The following STOX1 variants were observed in gnomAD, a reference collection of about 807,000 sequenced individuals.
STOX1 encodes storkhead box 1, also known as storkhead-box protein 1.
STOX1 carries 57 observed loss-of-function variants against 74.8 expected under a neutral mutation model. That is an observed-to-expected ratio of 0.76 (90% CI 0.62 to 0.95). The LOEUF is 0.95. Ranked by LOEUF, STOX1 falls within the 40% of genes least tolerant of loss-of-function variation. The probability of loss-of-function intolerance (pLI) is 0.00; values close to 1 mark genes in which losing one functional copy is unlikely to be tolerated. For synonymous variants in STOX1, 375 were observed against 401.3 expected (o/e 0.93, Z 0.78); for missense variants, 1,010 against 1,117.0 (o/e 0.90, Z 1.37).
At chr10:68,877,043 G>A (rs1004049416) in intron 1 of STOX1, among the ~76,000 whole-genome samples, 14 of 152,138 alleles carry the variant, frequency 9.2e-5, no homozygotes, top group Non-Finnish European at 1.9e-4. Flanking sequence ...AAGGAAACTC[G>A]ATGATTTGTG....
At chr10:68,882,145 C>T (rs751210456) in intron 2 of STOX1, 35 bp downstream of exon 2, 3 of 1,595,058 alleles carry the variant, frequency 1.9e-6, no homozygotes. Flanking sequence ...TTGTACTTCA[C>T]TGTATGTGTT....
intron 3 of STOX1, among the ~76,000 whole-genome samples, chr10:68,892,010 A>T (rs1235222360): frequency 6.6e-6 from 1 of 151,726 alleles, no homozygotes; most frequent in Non-Finnish European, 1.5e-5. Flanking sequence ...TAGTAGAGAC[A>T]GGGTTTCACC....
chr10:68,889,656 T>C (rs1375022690), intron 3 of STOX1, among the ~76,000 whole-genome samples: 1 of 152,156 alleles, frequency 6.6e-6, no homozygotes, highest in African/African-American at 2.4e-5. Context: ...CTCTGCTTCC[T>C]GGGTTCAAGC....
intron 1 of STOX1, among the ~76,000 whole-genome samples, chr10:68,868,993 G>A (rs879104315): frequency 6.6e-6 from 1 of 152,212 alleles, no homozygotes; most frequent in Admixed American, 6.5e-5. Context: ...AGTAGAGAAT[G>A]TGAGCCCAGG....
At position 68,886,349 on chromosome 10, in the gene STOX1, T is replaced by C. The variant is rs551551807; in HGVS notation, c.2553T>C (p.Asp851=). The C allele has an allele frequency of 6.2e-7, 1 of 1,614,162 alleles. No individual in the cohort carries two copies. The highest frequency in any genetic ancestry group is 1.3e-5 in the African/African-American group (1 of 75,030). The part of the protein sequence containing the change: ...AKCVQASAPA[D]ERIFDYYSAR... Reference sequence around the variant, plus strand: ...GTGTACAGGCCTCAGCACCTGCTGATGAAAGAATCTTTGATTACTATAGCG... The same window carrying C: ...GTGTACAGGCCTCAGCACCTGCTGACGAAAGAATCTTTGATTACTATAGCG... The change falls in exon 3 of 4, where the codon GAT becomes GAC. Residue 851 remains aspartate (D), a synonymous_variant. Transcript: ENST00000298596.
chr10:68,836,823 T>A (rs1839567730), intron 1 of STOX1, among the ~76,000 whole-genome samples: 1 of 152,220 alleles, frequency 6.6e-6, no homozygotes, highest in Non-Finnish European at 1.5e-5. Flanking sequence ...GTCATCTGTG[T>A]CAGGAGGCCT....
chr10:68,857,965 A>G (rs1263663405), intron 1 of STOX1, among the ~76,000 whole-genome samples: 1 of 152,086 alleles, frequency 6.6e-6, no homozygotes, highest in Non-Finnish European at 1.5e-5. Context: ...CTAAAAAGGA[A>G]GAAGGGGCTA....
At chr10:68,844,617 T>C (rs1839787405) in intron 1 of STOX1, among the ~76,000 whole-genome samples, 2 of 152,078 alleles carry the variant, frequency 1.3e-5, no homozygotes, top group Admixed American at 1.3e-4. Context: ...CTTTAATAAG[T>C]GTCTGTCGAA....
intron 1 of STOX1, among the ~76,000 whole-genome samples, chr10:68,832,950 A>G (rs914067495): frequency 7.9e-5 from 12 of 152,026 alleles, no homozygotes; most frequent in African/African-American, 2.7e-4. Flanking sequence ...AATTTTCAGT[A>G]GAGGCAGGTC....
intron 3 of STOX1, among the ~76,000 whole-genome samples, chr10:68,891,373 C>T (rs1841092207): frequency 1.3e-5 from 2 of 152,054 alleles, no homozygotes; most frequent in South Asian, 4.1e-4. Flanking sequence ...AAGCATGAGA[C>T]TTTAACAGTC....
At chr10:68,853,358 G>C (rs1461720939) in intron 1 of STOX1, among the ~76,000 whole-genome samples, 1 of 152,178 alleles carries the variant, frequency 6.6e-6, no homozygotes, top group Non-Finnish European at 1.5e-5. Context: ...TGTGGTCTTA[G>C]CTCACCCTCC....
chr10:68,854,215 G>A (rs1218472863), intron 1 of STOX1, among the ~76,000 whole-genome samples: 3 of 151,336 alleles, frequency 2.0e-5, no homozygotes, highest in Admixed American at 6.6e-5. Context: ...GGCTGATCTC[G>A]AACTCCTGAC....
intron 1 of STOX1, among the ~76,000 whole-genome samples, chr10:68,832,674 A>G (rs28641528): frequency 2.0e-5 from 3 of 149,176 alleles, no homozygotes; most frequent in African/African-American, 2.5e-5. Context: ...AAAAAAAAAA[A>G]AAAGAAAGCA....
At chr10:68,832,942 T>A (rs988301486) in intron 1 of STOX1, among the ~76,000 whole-genome samples, 2 of 151,836 alleles carry the variant, frequency 1.3e-5, no homozygotes, top group South Asian at 2.1e-4. Context: ...TAAAAAAAAA[T>A]TTTCAGTAGA....
At chr10:68,879,388 GTCT>G (rs1203222429) in intron 1 of STOX1, among the ~76,000 whole-genome samples, 2 of 151,586 alleles carry the variant, frequency 1.3e-5, no homozygotes, top group Non-Finnish European at 2.9e-5. Flanking sequence ...TATATTTGTG[GTCT>G]TCTGCCACCC....
intron 1 of STOX1, among the ~76,000 whole-genome samples, chr10:68,863,082 T>TA (rs771367976): frequency 2.0e-5 from 3 of 152,070 alleles, no homozygotes; most frequent in Non-Finnish European, 4.4e-5. Context: ...GTTCAAATCC[T>TA]AAAGAAATAT....
intron 1 of STOX1, among the ~76,000 whole-genome samples, chr10:68,871,372 A>G (rs1242718533): frequency 6.6e-6 from 1 of 152,204 alleles, no homozygotes; most frequent in Non-Finnish European, 1.5e-5. Context: ...CTGATAGTCA[A>G]TATTAGTGAA....
chr10:68,862,021 C>T (rs1463169742), intron 1 of STOX1, among the ~76,000 whole-genome samples: 1 of 151,966 alleles, frequency 6.6e-6, no homozygotes, highest in African/African-American at 2.4e-5. Context: ...TGTGGGTGAT[C>T]ATTGATTTGA....
rs567053359 is a variant in STOX1 at position 68,834,095 on chromosome 10, A to G, written c.310+6162A>G. ...TTGGGAGGTACTGAAGATCAGGCAC[A>G]TCAGGTTGGCGAAAGGGAAGTGATG... is the stretch of plus-strand genomic sequence containing the variant. On this transcript the variant is annotated intron_variant, in intron 1 of 3. Transcript: ENST00000298596. Among the ~76,000 whole-genome samples, 404 of 152,318 alleles carry G rather than the reference A, an allele frequency of 2.7e-3. 3 individuals are homozygous for G. Among genetic ancestry groups the G allele is most frequent in the African/African-American group, 9.0e-3 (374 of 41,574 alleles).
Sources: allele counts gnomAD v4.1 joint callset (sites outside exome capture counted in the v4.1 genomes callset), GRCh38; gene constraint gnomAD v4.1.1; transcripts MANE v1.5; gene names NCBI Gene and HGNC (gene_info 2026-07-23, HGNC 2026-07-21).